Variants in TPD52L1 observed in about 807,000 individuals in gnomAD.
TPD52L1 encodes tumor protein D53.
Under a neutral mutation model 28.7 loss-of-function variants are expected in TPD52L1, and 18 were observed. That is an observed-to-expected ratio of 0.63 (90% CI 0.43 to 0.93). The LOEUF (loss-of-function observed/expected upper bound fraction) is 0.93. TPD52L1 is among the 40% of genes least tolerant of loss of function. The probability of loss-of-function intolerance (pLI) is 0.00; values close to 1 mark genes in which losing one functional copy is unlikely to be tolerated. For synonymous variants in TPD52L1, 75 were observed against 88.8 expected (o/e 0.84, Z 0.88); for missense variants, 203 against 254.8 (o/e 0.80, Z 1.39).
At chr6:125,196,639 A>G (rs149562563) in intron 1 of TPD52L1, among the ~76,000 whole-genome samples, 3 of 152,366 alleles carry the variant, frequency 2.0e-5, no homozygotes, top group African/African-American at 7.2e-5. Context: ...TTTGGTGTTT[A>G]TCAGATTCTG....
intron 6 of TPD52L1, chr6:125,260,972 GAAAGAAAAGAA>G (rs1797940108): frequency 3.9e-5 from 2 of 51,272 alleles, no homozygotes; most frequent in African/African-American, 1.5e-4. Flanking sequence ...AAGAAAGAAA[GAAAGAAAAGAA>G]AAGAAAGAAA....
At chr6:125,172,542 AT>A (rs1337947805) in intron 1 of TPD52L1, among the ~76,000 whole-genome samples, 2 of 93,690 alleles carry the variant, frequency 2.1e-5, no homozygotes, top group African/African-American at 4.8e-5. Flanking sequence ...ATATATATAT[AT>A]ATATATATAA....
chr6:125,243,092 G>T (rs1562365055), intron 3 of TPD52L1, among the ~76,000 whole-genome samples: 1 of 151,956 alleles, frequency 6.6e-6, no homozygotes, highest in Non-Finnish European at 1.5e-5. Flanking sequence ...TTGGCTAATT[G>T]TCTGCCAATT....
intron 1 of TPD52L1, among the ~76,000 whole-genome samples, chr6:125,212,828 T>C (rs1794611782): frequency 1.3e-5 from 2 of 152,212 alleles, no homozygotes; most frequent in Admixed American, 1.3e-4. Context: ...CATGGGAGAC[T>C]TAAATGGAGT....
intron 4 of TPD52L1, among the ~76,000 whole-genome samples, chr6:125,249,391 G>C (rs1339690972): frequency 6.6e-6 from 1 of 151,480 alleles, no homozygotes. Flanking sequence ...AAAAGAAAAA[G>C]CTTTGGGCTG....
intron 1 of TPD52L1, chr6:125,154,278 C>G: frequency 8.3e-7 from 1 of 1,202,098 alleles, no homozygotes; most frequent in Non-Finnish European, 1.0e-6. Context: ...CTCGCGGCTG[C>G]CCGAAGGACC....
chr6:125,262,862 G>A lies in TPD52L1; in HGVS notation c.515G>A (p.Gly172Glu). ...AAAGTAGGCGGTACGAACCCTAATGGAGGCAGTTTTGAGGAGGTCCTCAGC... is the reference window on the plus strand; with the variant it reads ...AAAGTAGGCGGTACGAACCCTAATGAAGGCAGTTTTGAGGAGGTCCTCAGC... ...KTKVGGTNPN[G>E]GSFEEVLSST... The change falls in exon 7 of 7, where the codon GGA becomes GAA. Residue 172 changes from glycine (G) to glutamate (E), a missense_variant. Gly to Glu is a moderately conservative substitution (Grantham distance 98, BLOSUM62 -2). Transcript: ENST00000534000. 6.2e-7 allele frequency: 1 copy of A among 1,614,196 alleles called. No individual in the cohort carries two copies. The highest frequency in any genetic ancestry group is 8.5e-7 in the Non-Finnish European group (1 of 1,180,034).
At chr6:125,187,485 CCCT>C (rs1792719935) in intron 1 of TPD52L1, among the ~76,000 whole-genome samples, 1 of 152,044 alleles carries the variant, frequency 6.6e-6, no homozygotes, top group Non-Finnish European at 1.5e-5. Flanking sequence ...GGTAGGCAGA[CCCT>C]CTCTTCAGAA....
At chr6:125,172,552 A>ATT (rs71024714) in intron 1 of TPD52L1, among the ~76,000 whole-genome samples, 2 of 72,398 alleles carry the variant, frequency 2.8e-5, no homozygotes, top group Admixed American at 1.7e-4. Context: ...ATATATATAT[A>ATT]ATATATATAC....
At chr6:125,256,176 C>A (rs886126517) in intron 5 of TPD52L1, among the ~76,000 whole-genome samples, 2 of 152,002 alleles carry the variant, frequency 1.3e-5, no homozygotes, top group African/African-American at 2.4e-5. Context: ...GGTGAAACCC[C>A]ATCTCTACTA....
chr6:125,241,060 C>T (rs997701337), intron 3 of TPD52L1, among the ~76,000 whole-genome samples: 9 of 151,916 alleles, frequency 5.9e-5, no homozygotes, highest in Non-Finnish European at 1.0e-4. Context: ...TGTCAAATAA[C>T]TTTTCTGTGT....
chr6:125,190,905 C>G (rs1298587778), intron 1 of TPD52L1, among the ~76,000 whole-genome samples: 1 of 152,148 alleles, frequency 6.6e-6, no homozygotes, highest in Non-Finnish European at 1.5e-5. Flanking sequence ...CGGCCTTGTT[C>G]CTAACCGCCT....
chr6:125,201,665 GATGAAAAACAGT>G (rs1462186786), intron 1 of TPD52L1, among the ~76,000 whole-genome samples: 5 of 152,162 alleles, frequency 3.3e-5, no homozygotes, highest in African/African-American at 1.2e-4. Context: ...AAATATCTTA[GATGAAAAACAGT>G]ATCTCTGTGA....
intron 1 of TPD52L1, among the ~76,000 whole-genome samples, chr6:125,188,511 C>T (rs1338174602): frequency 1.3e-5 from 2 of 152,122 alleles, no homozygotes; most frequent in African/African-American, 4.8e-5. Flanking sequence ...CACAGGGTAA[C>T]AAATACATTT....
chr6:125,211,782 A>T (rs1032161447), intron 1 of TPD52L1, among the ~76,000 whole-genome samples: 1 of 152,240 alleles, frequency 6.6e-6, no homozygotes, highest in African/African-American at 2.4e-5. Context: ...ACAGGAATAA[A>T]ACACACTTAA....
At chr6:125,210,068 A>G (rs1179505186) in intron 1 of TPD52L1, among the ~76,000 whole-genome samples, 4 of 152,238 alleles carry the variant, frequency 2.6e-5, no homozygotes, top group Admixed American at 6.5e-5. Flanking sequence ...ACTAGTGCCA[A>G]TGAAAAATGA....
At chr6:125,234,821 C>T (rs752145853) in intron 3 of TPD52L1, among the ~76,000 whole-genome samples, 1 of 152,064 alleles carries the variant, frequency 6.6e-6, no homozygotes, top group Non-Finnish European at 1.5e-5. Context: ...CATTGAGTGC[C>T]ATGGCTCACA....
chr6:125,191,608 G>T (rs549008432), intron 1 of TPD52L1, among the ~76,000 whole-genome samples: 7 of 152,252 alleles, frequency 4.6e-5, no homozygotes, highest in Admixed American at 1.3e-4. Flanking sequence ...GGCTATCCTG[G>T]CATATAGTTC....
intron 1 of TPD52L1, among the ~76,000 whole-genome samples, chr6:125,202,587 GAGA>G (rs147691134): frequency 6.6e-6 from 1 of 152,022 alleles, no homozygotes; most frequent in Non-Finnish European, 1.5e-5. Flanking sequence ...GGAGGAGAAG[GAGA>G]AGAAGAAGAG....
Sources: allele counts gnomAD v4.1 joint callset (sites outside exome capture counted in the v4.1 genomes callset), GRCh38; gene constraint gnomAD v4.1.1; transcripts MANE v1.5; gene names NCBI Gene and HGNC (gene_info 2026-07-23, HGNC 2026-07-21).